KLHL29: variants seen among roughly 807,000 people sequenced by gnomAD.
KLHL29 encodes the protein kelch like family member 29.
KLHL29 carries 21 observed loss-of-function variants against 80.4 expected under a neutral mutation model. That is an observed-to-expected ratio of 0.26 (90% CI 0.19 to 0.38). The LOEUF (loss-of-function observed/expected upper bound fraction) is 0.38, where lower values mean the gene tolerates loss of function less well. Among genes scored for constraint, KLHL29 ranks in the 10% least tolerant of loss-of-function variants. The probability of loss-of-function intolerance (pLI) is 1.00; values close to 1 mark genes in which losing one functional copy is unlikely to be tolerated. For synonymous variants in KLHL29, 511 were observed against 526.8 expected, an observed-to-expected ratio of 0.97 and a Z score of 0.41; for missense variants, 867 against 1,223.9, an observed-to-expected ratio of 0.71 and a Z score of 4.35.
At chr2:23,460,991 C>T (rs190426749) in intron 1 of KLHL29, among the ~76,000 whole-genome samples, 15 of 152,258 alleles carry the variant, frequency 9.9e-5, no homozygotes, top group African/African-American at 2.9e-4. Context: ...TTTGTGTCTG[C>T]GCTGAGAGGC....
rs1302695800 is a variant in KLHL29, at chr2:23,698,911, T to TAACA, written c.2105+2399_2105+2402dup. ...GCCATCATACTGAAAGACTGAGGAC[T>TAACA]AACAGCCACATAATCTTCCACTGTC... On this transcript the variant is annotated intron_variant, in intron 11 of 13. Coordinates refer to ENST00000486442, the MANE Select transcript of KLHL29 (RefSeq NM_052920.2). 8.5e-5 allele frequency among the ~76,000 whole-genome samples: 13 copies of TAACA among 152,322 alleles called. No homozygotes were observed. The South Asian group carries it at 1.2e-3, about 15-fold the overall frequency.
At chr2:23,398,481 T>C (rs149321868) in intron 1 of KLHL29, among the ~76,000 whole-genome samples, 1 of 152,326 alleles carries the variant, frequency 6.6e-6, no homozygotes, top group East Asian at 1.9e-4. Flanking sequence ...TATCGTTTAA[T>C]GCGCAAAGAG....
At chr2:23,692,903 G>T (rs573895381) in intron 7 of KLHL29, among the ~76,000 whole-genome samples, 107 of 152,292 alleles carry the variant, frequency 7.0e-4, no homozygotes, top group African/African-American at 2.5e-3. Flanking sequence ...CATGGAAGAT[G>T]CTGTAAGCCT....
At chr2:23,561,792 C>T (rs2103496628) in intron 2 of KLHL29, among the ~76,000 whole-genome samples, 1 of 152,192 alleles carries the variant, frequency 6.6e-6, no homozygotes, top group Non-Finnish European at 1.5e-5. Flanking sequence ...CTGAGGAGTT[C>T]ACGGCTCTTT....
intron 5 of KLHL29, among the ~76,000 whole-genome samples, chr2:23,671,741 G>C (rs1385293522): frequency 6.6e-6 from 1 of 152,216 alleles, no homozygotes; most frequent in Admixed American, 6.5e-5. Context: ...CGAATGGAAA[G>C]AGAGTAGGAG....
chr2:23,639,380 C>A lies in KLHL29; in HGVS notation c.427+100C>A, dbSNP rs1270112249. Reference sequence around the variant, plus strand: ...CAACTCCTGCACAGCAGGTCTTGAACCCAGGGCCTGCAGAAGCCCCCTCCT... The same window carrying A: ...CAACTCCTGCACAGCAGGTCTTGAAACCAGGGCCTGCAGAAGCCCCCTCCT... On this transcript the variant is annotated intron_variant, in intron 4 of 13. Coordinates refer to ENST00000486442, the MANE Select transcript of KLHL29 (RefSeq NM_052920.2). 8.2e-6 allele frequency: 10 copies of A among 1,218,640 alleles called. No individual in the cohort carries two copies. The African/African-American group carries it at 1.4e-4, about 17-fold the overall frequency. The allele number at this position is 1,218,640 out of a possible 1,614,324, so 75.5% of individuals were successfully genotyped here.
intron 2 of KLHL29, among the ~76,000 whole-genome samples, chr2:23,479,694 C>T (rs192331893): frequency 6.6e-6 from 1 of 152,314 alleles, no homozygotes; most frequent in Admixed American, 6.5e-5. Context: ...CTGTCCAAAA[C>T]AAAGCTGCTT....
chr2:23,418,122 A>G (rs1199469136), intron 1 of KLHL29, among the ~76,000 whole-genome samples: 1 of 152,172 alleles, frequency 6.6e-6, no homozygotes, highest in Non-Finnish European at 1.5e-5. Flanking sequence ...GAATCCAGAC[A>G]CACCTTCCAC....
intron 3 of KLHL29, among the ~76,000 whole-genome samples, chr2:23,604,405 T>C (rs896392287): frequency 1.3e-5 from 2 of 152,164 alleles, no homozygotes; most frequent in African/African-American, 4.8e-5. Flanking sequence ...TGGAAGATCA[T>C]TTCTATTCTC....
intron 5 of KLHL29, among the ~76,000 whole-genome samples, chr2:23,666,209 TGAC>T (rs1045029266): frequency 8.5e-5 from 13 of 152,246 alleles, no homozygotes; most frequent in African/African-American, 2.9e-4. Context: ...TCCCAAATGA[TGAC>T]GGCATCCACA....
At chr2:23,585,290 G>C (rs749436254) in intron 3 of KLHL29, among the ~76,000 whole-genome samples, 1 of 152,236 alleles carries the variant, frequency 6.6e-6, no homozygotes, top group Non-Finnish European at 1.5e-5. Flanking sequence ...GGTGGAATCC[G>C]TTACTGAAAG....
At chr2:23,567,351 G>A (rs78983208) in intron 3 of KLHL29, among the ~76,000 whole-genome samples, 7,051 of 152,180 alleles carry the variant, frequency 0.046, 224 homozygotes, top group Middle Eastern at 0.095. Flanking sequence ...CATTCCCATC[G>A]TCCCTCAGAG....
chr2:23,484,920 C>T (rs1214102457), intron 2 of KLHL29, among the ~76,000 whole-genome samples: 1 of 152,194 alleles, frequency 6.6e-6, no homozygotes, highest in Non-Finnish European at 1.5e-5. Context: ...TCCAGAAGCG[C>T]CTCTCCCATC....
intron 1 of KLHL29, among the ~76,000 whole-genome samples, chr2:23,388,589 T>C (rs1666240513): frequency 6.6e-6 from 1 of 152,340 alleles, no homozygotes; most frequent in East Asian, 1.9e-4. Context: ...TCATTTTTAT[T>C]TAGTCAACCT....
At chr2:23,450,841 T>C (rs1401068475) in intron 1 of KLHL29, among the ~76,000 whole-genome samples, 1 of 152,262 alleles carries the variant, frequency 6.6e-6, no homozygotes, top group Non-Finnish European at 1.5e-5. Flanking sequence ...CTATGGCTTA[T>C]ATTAGAGCAT....
At position 23,387,508 on chromosome 2, in the gene KLHL29, TTA is replaced by T. The variant is rs757546960; in HGVS notation, c.-154+1730_-154+1731del. Among the ~76,000 whole-genome samples, 59 of 87,246 alleles carry T rather than the reference TTA, an allele frequency of 6.8e-4. No individual in the cohort carries two copies. In the South Asian group the frequency reaches 9.3e-3, roughly 14 times the overall value. The allele number at this position is 87,246 out of a possible 152,430, so 57.2% of individuals were successfully genotyped here. A position where few individuals can be genotyped will look rare whatever the true frequency, so the allele number is the denominator to read the frequency against. On this transcript the variant is annotated intron_variant, in intron 1 of 13. Coordinates refer to ENST00000486442, the MANE Select transcript of KLHL29 (RefSeq NM_052920.2). The stretch of plus-strand genomic sequence containing the variant: ...CTTGTCCCACCTCATTCCTGATTTA[TTA>T]TTATTATTATTATTATTATTATTAT...
chr2:23,526,882 TCCA>T (rs1433478704), intron 2 of KLHL29, among the ~76,000 whole-genome samples: 1 of 152,138 alleles, frequency 6.6e-6, no homozygotes, highest in Non-Finnish European at 1.5e-5. Context: ...GTTTTTTTTG[TCCA>T]CCACCACCAG....
intron 1 of KLHL29, among the ~76,000 whole-genome samples, chr2:23,446,291 G>GA (rs781130959): frequency 2.0e-5 from 3 of 151,378 alleles, no homozygotes; most frequent in Non-Finnish European, 4.4e-5. Context: ...AAAGGTTTGA[G>GA]ATGCTACCTT....
At chr2:23,574,824 G>C (rs761387783) in intron 3 of KLHL29, among the ~76,000 whole-genome samples, 1 of 152,142 alleles carries the variant, frequency 6.6e-6, no homozygotes, top group South Asian at 2.1e-4. Flanking sequence ...GACCCACCAC[G>C]CCATTTCCTT....
Sources: gnomAD v4.1 joint callset for allele counts (sites outside exome capture counted in the v4.1 genomes callset) on GRCh38, gnomAD v4.1.1 for gene constraint, MANE v1.5 for transcripts, NCBI Gene and HGNC (gene_info 2026-07-23, HGNC 2026-07-21) for gene names.